The following MON2 variants were observed in gnomAD, a reference collection of about 807,000 sequenced individuals.
The protein encoded by MON2 is MON2 regulator of endosome-to-Golgi trafficking, also known as protein MON2 homolog.
MON2 carries 84 observed loss-of-function variants against 208.6 expected under a neutral mutation model. That is an observed-to-expected ratio of 0.40 (90% CI 0.34 to 0.48). MON2 has a LOEUF of 0.48. MON2 is among the 20% of genes least tolerant of loss of function. MON2 has a pLI of 0.59. For synonymous variants in MON2, 660 were observed against 694.0 expected (o/e 0.95, Z 0.77); for missense variants, 1,611 against 2,015.4 (o/e 0.80, Z 3.84).
chr12:62,492,134 A>C (rs1407813590), intron 2 of MON2, among the ~76,000 whole-genome samples: 1 of 152,230 alleles, frequency 6.6e-6, no homozygotes, highest in Non-Finnish European at 1.5e-5. Flanking sequence ...GGGACTTTGC[A>C]GCGCAGGCTG....
chr12:62,594,021 A>C lies in MON2; in HGVS notation c.*1272A>C, dbSNP rs1008336247. The C allele has an allele frequency of 1.3e-5, 2 of 152,190 alleles. No homozygotes were observed. The highest frequency in any genetic ancestry group is 2.9e-5 in the Non-Finnish European group (2 of 67,996). The allele number at this position is 152,190 out of a possible 1,614,324, so 9.4% of individuals were successfully genotyped here. ...GAGTACAATACCTTAATTATTTCTTAAAATACTGACTTTGACCTAGCTCAC... is the reference window on the plus strand; with the variant it reads ...GAGTACAATACCTTAATTATTTCTTCAAATACTGACTTTGACCTAGCTCAC... On this transcript the variant is annotated 3_prime_UTR_variant, in exon 35 of 35. Coordinates refer to ENST00000393630, the MANE Select transcript of MON2 (RefSeq NM_015026.3).
chr12:62,493,990 A>C lies in MON2; in HGVS notation c.251A>C (p.Gln84Pro). The C allele has an allele frequency of 6.2e-7, 1 of 1,613,322 alleles. No homozygotes were observed. The highest frequency in any genetic ancestry group is 8.5e-7 in the Non-Finnish European group (1 of 1,179,440). The change falls in exon 3 of 35, where the codon CAG (glutamine) becomes CCG (proline). Residue 84 changes from glutamine (Q) to proline (P), a missense_variant. Transcript: ENST00000393630. ...GCGTKEPKIT[Q>P]LCLAAIQRLM... ...GGAACCAAGGAACCGAAGATCACTC[A>C]GCTATGTTTGGCTGCTATTCAGAGA...
At chr12:62,581,000 T>C (rs1592458344) in intron 32 of MON2, among the ~76,000 whole-genome samples, 1 of 152,212 alleles carries the variant, frequency 6.6e-6, no homozygotes, top group African/African-American at 2.4e-5. Context: ...CAAGATACTA[T>C]GCTAGAATGT....
intron 19 of MON2, among the ~76,000 whole-genome samples, chr12:62,542,732 T>C (rs1257594891): frequency 6.6e-6 from 1 of 152,172 alleles, no homozygotes; most frequent in African/African-American, 2.4e-5. Flanking sequence ...TGTCTCTTTT[T>C]CCCTACTTCT....
intron 8 of MON2, among the ~76,000 whole-genome samples, chr12:62,518,268 AT>A (rs2071806809): frequency 1.3e-5 from 2 of 152,178 alleles, no homozygotes; most frequent in Admixed American, 1.3e-4. Context: ...CAACACATGA[AT>A]TTTGGGGGTG....
At chr12:62,553,938 C>G (rs139048395) in intron 24 of MON2, among the ~76,000 whole-genome samples, 174 of 152,230 alleles carry the variant, frequency 1.1e-3, no homozygotes, top group African/African-American at 3.3e-3. Flanking sequence ...AATCCCAGTA[C>G]TTTAGGAGGC....
chr12:62,541,352 G>A (rs867977534), intron 19 of MON2, among the ~76,000 whole-genome samples: 2 of 148,036 alleles, frequency 1.4e-5, no homozygotes, highest in Non-Finnish European at 3.0e-5. Flanking sequence ...TCCAGCCTGG[G>A]CAACAGAGTG....
Position 62,598,261 on chromosome 12 carries a change from T to A in MON2, c.*5512T>A, listed in dbSNP as rs746135327. Reference sequence around the variant, plus strand: ...TTCTATCCCCTCAAGTATGAAAAAATTAAATTTTCAGACCATTTTCAGTTG... The same window carrying A: ...TTCTATCCCCTCAAGTATGAAAAAAATAAATTTTCAGACCATTTTCAGTTG... On this transcript the variant is annotated 3_prime_UTR_variant, in exon 35 of 35. Coordinates refer to ENST00000393630, the MANE Select transcript of MON2 (RefSeq NM_015026.3). The A allele has an allele frequency of 9.2e-5, 14 of 152,114 alleles. No homozygotes were observed. Among genetic ancestry groups the A allele is most frequent in the Non-Finnish European group, 1.9e-4 (13 of 68,004 alleles). 9.4% of individuals were successfully genotyped at this position (152,114 alleles called of 1,614,324 possible). A position where few individuals can be genotyped will look rare whatever the true frequency, so the allele number is the denominator to read the frequency against.
At chr12:62,590,166 C>T (rs1050546706) in intron 34 of MON2, among the ~76,000 whole-genome samples, 2 of 152,138 alleles carry the variant, frequency 1.3e-5, no homozygotes, top group East Asian at 1.9e-4. Context: ...TCTGTGCTTA[C>T]TGCGGCGTTG....
At chr12:62,557,622 T>C (rs2074017843) in intron 25 of MON2, among the ~76,000 whole-genome samples, 1 of 152,152 alleles carries the variant, frequency 6.6e-6, no homozygotes, top group African/African-American at 2.4e-5. Context: ...TTATTTCGTG[T>C]TTGGCATTTT....
chr12:62,510,402 C>T (rs987196834), intron 8 of MON2, among the ~76,000 whole-genome samples: 2 of 152,016 alleles, frequency 1.3e-5, no homozygotes, highest in South Asian at 4.1e-4. Flanking sequence ...TACAAGGAAA[C>T]TTAATTCAAC....
At position 62,592,653 on chromosome 12, in the gene MON2, T is replaced by G; in HGVS notation, c.5058T>G (p.Ser1686=). Residue 1686 remains serine, a synonymous_variant, in exon 35 of 35, where the codon TCT becomes TCG. Transcript: ENST00000393630. ...YPTLVECITC[S]SSEVCSALKE... is the part of the protein sequence containing the mutation. Reference sequence around the variant, plus strand: ...CTTTAGTAGAATGCATCACCTGTTCTTCTTCAGAAGTCTGTTCTGCACTTA... The same window carrying G: ...CTTTAGTAGAATGCATCACCTGTTCGTCTTCAGAAGTCTGTTCTGCACTTA... 6.2e-7 allele frequency: 1 copy of G among 1,612,358 alleles called. No homozygotes were observed. Among genetic ancestry groups the G allele is most frequent in the Non-Finnish European group, 8.5e-7 (1 of 1,178,646 alleles).
rs114938391 is a variant in MON2 at position 62,570,416 on chromosome 12, A to G, written c.4324-976A>G. On this transcript the variant is annotated intron_variant, in intron 29 of 34. Transcript: ENST00000393630. ...TTTTACAGATAGAACATACAACTTC[A>G]AAGTATTGACATTTTATGTTGTGTT... is the stretch of plus-strand genomic sequence containing the variant. Among the ~76,000 whole-genome samples the G allele has an allele frequency of 9.2e-3, 1,394 of 152,322 alleles. 25 individuals are homozygous for G. Among genetic ancestry groups the G allele is most frequent in the African/African-American group, 0.032 (1,317 of 41,564 alleles).
intron 8 of MON2, among the ~76,000 whole-genome samples, chr12:62,514,595 G>C (rs1331925908): frequency 6.6e-6 from 1 of 152,086 alleles, no homozygotes; most frequent in Non-Finnish European, 1.5e-5. Flanking sequence ...AGAAAGACCT[G>C]TCCCCATGAT....
intron 19 of MON2, among the ~76,000 whole-genome samples, chr12:62,539,879 T>C (rs1340666290): frequency 2.0e-5 from 3 of 151,842 alleles, no homozygotes; most frequent in Non-Finnish European, 4.4e-5. Context: ...TAGCTGGACA[T>C]GCTCAGTTGA....
In MON2 at chr12:62,467,072, T is replaced by A. The variant is rs1178392801; in HGVS notation, c.-136T>A. ...GGGGGACGCTCGAGCAGGCTCCGGG[T>A]TCGCAGCCCAGGGCCCAAGAAGCGG... On this transcript the variant is annotated 5_prime_UTR_variant, in exon 1 of 35. Coordinates refer to ENST00000393630, the MANE Select transcript of MON2 (RefSeq NM_015026.3). The A allele has an allele frequency of 7.5e-6, 5 of 663,016 alleles. No individual in the cohort carries two copies. The highest frequency in any genetic ancestry group is 1.3e-5 in the Non-Finnish European group (5 of 386,396). 41.1% of individuals were successfully genotyped at this position (663,016 alleles called of 1,614,324 possible). A position where few individuals can be genotyped will look rare whatever the true frequency, so the allele number is the denominator to read the frequency against.
Position 62,467,031 on chromosome 12 carries a change from T to G in MON2, c.-177T>G. ...GCGCCTCCGAGAAAAGCCAGAGGTG[T>G]TGCGGGGAAGCTGCTGGGGGACGCT... On this transcript the variant is annotated 5_prime_UTR_variant, in exon 1 of 35. Transcript: ENST00000393630. 5.8e-6 allele frequency: 3 copies of G among 514,012 alleles called. No homozygotes were observed. The highest frequency in any genetic ancestry group is 1.0e-5 in the Non-Finnish European group (3 of 291,214). 31.8% of individuals were successfully genotyped at this position (514,012 alleles called of 1,614,324 possible).
rs12312360 is a variant in MON2 at position 62,534,546 on chromosome 12, T to A, written c.1634-299T>A. ...AAAAAAAAAAAAAAAAAAAAAAATA[T>A]ATATATATATATATATATATATTTT... is the stretch of plus-strand genomic sequence containing the variant. On this transcript the variant is annotated intron_variant, in intron 12 of 34. Transcript: ENST00000393630. Among the ~76,000 whole-genome samples the A allele has an allele frequency of 6.8e-3, 308 of 45,212 alleles. 1 individual carries two copies. The highest frequency in any genetic ancestry group is 0.01 in the Non-Finnish European group (258 of 24,748). 29.7% of individuals were successfully genotyped at this position (45,212 alleles called of 152,430 possible).
rs2075575091 is a variant in MON2 at position 62,598,804 on chromosome 12, A to AT, written c.*6060dup. 1 of 152,116 alleles carries AT rather than the reference A, an allele frequency of 6.6e-6. No individual in the cohort carries two copies. The highest frequency in any genetic ancestry group is 1.5e-5 in the Non-Finnish European group (1 of 68,002). 9.4% of individuals were successfully genotyped at this position (152,116 alleles called of 1,614,324 possible). A position where few individuals can be genotyped will look rare whatever the true frequency, so the allele number is the denominator to read the frequency against. On this transcript the variant is annotated 3_prime_UTR_variant, in exon 35 of 35. Coordinates refer to ENST00000393630, the MANE Select transcript of MON2 (RefSeq NM_015026.3). ...AAATTTTCTTTGTAGTCTAGGATAG[A>AT]TTTTTCATGAAAGCTATATAGTTAT...
Sources: gnomAD v4.1 joint callset for allele counts (sites outside exome capture counted in the v4.1 genomes callset) on GRCh38, gnomAD v4.1.1 for gene constraint, MANE v1.5 for transcripts, NCBI Gene and HGNC (gene_info 2026-07-23, HGNC 2026-07-21) for gene names.